Variants in LAMA1 observed in about 807,000 individuals in gnomAD.
The protein encoded by LAMA1 is laminin subunit alpha-1.
Under a neutral mutation model 348.7 loss-of-function variants are expected in LAMA1, and 219 were observed. The ratio of observed to expected loss-of-function variants is 0.63; its 90% CI spans 0.56 to 0.70. The LOEUF (loss-of-function observed/expected upper bound fraction) is 0.70. LAMA1 is among the 30% of genes least tolerant of loss of function. The probability of loss-of-function intolerance (pLI) is 0.00; values close to 1 mark genes in which losing one functional copy is unlikely to be tolerated. For missense variants in LAMA1, 3,744 were observed against 3,888.0 expected (o/e 0.96, Z 0.99); for synonymous variants, 1,487 against 1,491.0 (o/e 1.00, Z 0.06).
intron 1 of LAMA1, among the ~76,000 whole-genome samples, chr18:7,084,142 G>A (rs1187456176): frequency 6.8e-6 from 1 of 147,466 alleles, no homozygotes; most frequent in African/African-American, 2.5e-5. Flanking sequence ...ACTAGAGCAA[G>A]CATGTTTTAA....
Position 6,942,386 on chromosome 18 carries a change from G to A in LAMA1, c.9068-147C>T, listed in dbSNP as rs1474865639. ...AATTAGGAGAATATCTTCCACATAT[G>A]TGGTGTCAGTGACTAGCAGAATTCA... On this transcript the variant is annotated intron_variant, in intron 62 of 62. Transcript: ENST00000389658. 4.7e-6 allele frequency: 4 copies of A among 852,238 alleles called. No individual in the cohort carries two copies. In the East Asian group the frequency reaches 8.1e-5, roughly 17 times the overall value. 52.8% of individuals were successfully genotyped at this position (852,238 alleles called of 1,614,324 possible). A position where few individuals can be genotyped will look rare whatever the true frequency, so the allele number is the denominator to read the frequency against.
At chr18:7,027,495 G>GT (rs996208791) in intron 16 of LAMA1, among the ~76,000 whole-genome samples, 62 of 149,088 alleles carry the variant, frequency 4.2e-4, no homozygotes, top group East Asian at 3.4e-3. Flanking sequence ...AAAGAGCTGG[G>GT]TTTTTTTTTA....
chr18:6,943,069 T>C (rs2057506513), intron 62 of LAMA1, 111 bp downstream of exon 62: 5 of 899,614 alleles, frequency 5.6e-6, no homozygotes, highest in Non-Finnish European at 7.3e-6. Context: ...GTAAAGGATT[T>C]GTCACCCAAA....
At chr18:7,077,748 G>T (rs1220217123) in intron 3 of LAMA1, among the ~76,000 whole-genome samples, 1 of 151,972 alleles carries the variant, frequency 6.6e-6, no homozygotes, top group Non-Finnish European at 1.5e-5. Context: ...TTAGAAAAAG[G>T]AAAATATGTC....
At chr18:7,004,306 G>A (rs1219626214) in intron 29 of LAMA1, among the ~76,000 whole-genome samples, 4 of 152,176 alleles carry the variant, frequency 2.6e-5, no homozygotes, top group Non-Finnish European at 5.9e-5. Flanking sequence ...CCAGGCTACC[G>A]CCCTTGTCCT....
intron 36 of LAMA1, among the ~76,000 whole-genome samples, chr18:6,992,221 T>C (rs2057761943): frequency 6.6e-6 from 1 of 152,222 alleles, no homozygotes; most frequent in South Asian, 2.1e-4. Flanking sequence ...CCAACGATTT[T>C]TTTCTATGAG....
chr18:6,961,493 G>T, intron 53 of LAMA1, 93 bp downstream of exon 53: 1 of 1,443,550 alleles, frequency 6.9e-7, no homozygotes, highest in South Asian at 1.2e-5. Context: ...GGAACACGGT[G>T]ACAATAAATG....
intron 3 of LAMA1, among the ~76,000 whole-genome samples, chr18:7,056,233 A>G (rs2058081478): frequency 6.6e-6 from 1 of 152,178 alleles, no homozygotes; most frequent in Non-Finnish European, 1.5e-5. Flanking sequence ...ACCATCCATT[A>G]CTGCTGCACC....
At chr18:6,971,116 T>C (rs2057656355) in intron 48 of LAMA1, among the ~76,000 whole-genome samples, 1 of 152,202 alleles carries the variant, frequency 6.6e-6, no homozygotes, top group Admixed American at 6.5e-5. Flanking sequence ...GATGTTACAT[T>C]TCTCTAACGG....
Position 6,949,232 on chromosome 18 carries a change from C to A in LAMA1, c.8425G>T (p.Gly2809Cys). 1 of 1,614,178 alleles carries A rather than the reference C, an allele frequency of 6.2e-7. No individual in the cohort carries two copies. The highest frequency in any genetic ancestry group is 8.5e-7 in the Non-Finnish European group (1 of 1,180,020). Residue 2809 changes from glycine to cysteine, a missense_variant, in exon 59 of 63, where the codon GGC (glycine) becomes TGC (cysteine). Transcript: ENST00000389658. Reference sequence around the variant, plus strand: ...TCTCGGCCGTCGACAGTTATGAAGCCTTTTCTTTTAACATAGTCTGTCTTG... The same window carrying A: ...TCTCGGCCGTCGACAGTTATGAAGCATTTTCTTTTAACATAGTCTGTCTTG... ...TVKTDYVKRK[G>C]FITVDGRESP...
rs1483075851 is a variant in LAMA1 at position 7,050,763 on chromosome 18, G to T, written c.519C>A (p.Thr173=). 5 of 1,614,086 alleles carry T rather than the reference G, an allele frequency of 3.1e-6. No homozygotes were observed. The highest frequency in any genetic ancestry group is 2.5e-6 in the Non-Finnish European group (3 of 1,180,042). The part of the protein sequence containing the change: ...YNITPRRGPP[T]YRADDEVICT... ...AGATCACTTCATCATCAGCCCTGTAGGTGGGTGGCCCTCGTCTTGGAGTTA... is the reference window on the plus strand; with the variant it reads ...AGATCACTTCATCATCAGCCCTGTATGTGGGTGGCCCTCGTCTTGGAGTTA... Residue 173 remains threonine (T), a synonymous_variant, in exon 4 of 63, where the codon ACC becomes ACA. Transcript: ENST00000389658.
intron 1 of LAMA1, among the ~76,000 whole-genome samples, chr18:7,093,127 C>G (rs945633618): frequency 1.3e-5 from 2 of 152,120 alleles, no homozygotes; most frequent in African/African-American, 2.4e-5. Context: ...ATTAAAAAGG[C>G]GTCAAATGGC....
chr18:7,045,171 G>A (rs1005805739), intron 6 of LAMA1, among the ~76,000 whole-genome samples: 7 of 151,994 alleles, frequency 4.6e-5, no homozygotes, highest in African/African-American at 1.5e-4. Flanking sequence ...TTTCAGCATC[G>A]ATAACAGAAT....
rs923158468 is a variant in LAMA1, at chr18:6,978,158, G to A, written c.6190+38C>T. On this transcript the variant is annotated intron_variant, in intron 43 of 62. Coordinates refer to ENST00000389658, the MANE Select transcript of LAMA1 (RefSeq NM_005559.4). ...TTAGCTAGCTCCACGTCTGCATGAC[G>A]CAGACGATCATGACTGGAAGGAAGG... 3.1e-6 allele frequency: 5 copies of A among 1,611,966 alleles called. No homozygotes were observed. In the East Asian group the frequency reaches 6.7e-5, roughly 22 times the overall value.
intron 51 of LAMA1, chr18:6,963,863 C>T (rs920910528): frequency 6.6e-6 from 1 of 152,150 alleles, no homozygotes; most frequent in Admixed American, 6.5e-5. Flanking sequence ...AATCACAAAG[C>T]TCAACATGAA....
intron 3 of LAMA1, among the ~76,000 whole-genome samples, chr18:7,071,707 T>C (rs1021946053): frequency 7.9e-5 from 12 of 152,242 alleles, no homozygotes; most frequent in African/African-American, 2.7e-4. Flanking sequence ...CACAAATTTA[T>C]ATATCACATA....
intron 3 of LAMA1, among the ~76,000 whole-genome samples, chr18:7,071,874 G>C (rs931538171): frequency 1.3e-5 from 2 of 152,174 alleles, no homozygotes; most frequent in African/African-American, 4.8e-5. Context: ...AGTCACAGGC[G>C]ATTATGAGAA....
At chr18:7,063,794 T>C (rs996622670) in intron 3 of LAMA1, among the ~76,000 whole-genome samples, 1 of 152,210 alleles carries the variant, frequency 6.6e-6, no homozygotes, top group African/African-American at 2.4e-5. Context: ...TAAGCTTGAT[T>C]ACCCAGAGTA....
intron 16 of LAMA1, among the ~76,000 whole-genome samples, chr18:7,028,332 C>A (rs1377517586): frequency 6.6e-6 from 1 of 152,120 alleles, no homozygotes; most frequent in Non-Finnish European, 1.5e-5. Context: ...GAAATACACA[C>A]CAAGGCACAG....
Sources: allele counts gnomAD v4.1 joint callset (sites outside exome capture counted in the v4.1 genomes callset), GRCh38; gene constraint gnomAD v4.1.1; transcripts MANE v1.5; gene names NCBI Gene and HGNC (gene_info 2026-07-23, HGNC 2026-07-21).